Variants in CDS1 observed in about 807,000 individuals in gnomAD.
CDS1 encodes phosphatidate cytidylyltransferase 1.
A neutral mutation model predicts 62.1 loss-of-function variants in CDS1; 41 were observed. The observed-to-expected ratio is 0.66, with a 90% CI of 0.51 to 0.86. The LOEUF is 0.86. Ranked by LOEUF, CDS1 falls within the 40% of genes least tolerant of loss-of-function variation. The pLI is 0.00. For missense variants in CDS1, 470 were observed against 550.1 expected, an observed-to-expected ratio of 0.85 and a Z score of 1.46; for synonymous variants, 185 against 192.6, an observed-to-expected ratio of 0.96 and a Z score of 0.32.
intron 5 of CDS1, among the ~76,000 whole-genome samples, chr4:84,622,679 C>T (rs1723727243): frequency 6.6e-6 from 1 of 152,144 alleles, no homozygotes; most frequent in Non-Finnish European, 1.5e-5. Context: ...CATTAGTTTT[C>T]AAACTGAATT....
At chr4:84,633,758 A>G in intron 6 of CDS1, 99 bp from the exon 7 acceptor site, 1 of 584,776 alleles carries the variant, frequency 1.7e-6, no homozygotes, top group African/African-American at 1.9e-5. Flanking sequence ...ATTTTGACCA[A>G]AAGTCATGGT....
At chr4:84,619,697 T>C (rs1283534097) in intron 5 of CDS1, among the ~76,000 whole-genome samples, 164 bp downstream of exon 5, 1 of 152,186 alleles carries the variant, frequency 6.6e-6, no homozygotes, top group African/African-American at 2.4e-5. Context: ...TGTTCTTAAA[T>C]AGCAATTACT....
chr4:84,641,289 C>T (rs1352241055), intron 10 of CDS1, among the ~76,000 whole-genome samples: 1 of 152,198 alleles, frequency 6.6e-6, no homozygotes, highest in East Asian at 1.9e-4. Flanking sequence ...TGGTCTCAAA[C>T]TCCTGGTCTC....
At chr4:84,591,991 G>A (rs1316708487) in intron 1 of CDS1, among the ~76,000 whole-genome samples, 8 of 152,056 alleles carry the variant, frequency 5.3e-5, no homozygotes, top group East Asian at 1.9e-4. Context: ...GTGTTTCATC[G>A]CTTACTTATG....
chr4:84,646,854 A>G lies in CDS1; in HGVS notation c.1256+1529A>G, dbSNP rs540472430. ...GTTTGGTCCGCTTGTTCTATCAGTT[A>G]CTAAGAGAGCTTTGTTAAAGTCTCT... On this transcript the variant is annotated intron_variant, in intron 12 of 12. Coordinates refer to ENST00000295887, the MANE Select transcript of CDS1 (RefSeq NM_001263.4). 7.9e-5 allele frequency among the ~76,000 whole-genome samples: 12 copies of G among 152,292 alleles called. No homozygotes were observed. The South Asian group carries it at 1.2e-3, about 16-fold the overall frequency.
intron 9 of CDS1, among the ~76,000 whole-genome samples, chr4:84,640,142 A>G (rs1189746820): frequency 6.8e-6 from 1 of 147,866 alleles, no homozygotes; most frequent in East Asian, 1.9e-4. Flanking sequence ...TATATAATAT[A>G]TATAATAATA....
intron 3 of CDS1, among the ~76,000 whole-genome samples, chr4:84,612,881 T>C (rs1192364812): frequency 2.0e-5 from 3 of 150,134 alleles, no homozygotes; most frequent in Non-Finnish European, 4.4e-5. Flanking sequence ...CTGAGCTACT[T>C]GGGAGGCTGA....
intron 3 of CDS1, among the ~76,000 whole-genome samples, chr4:84,610,251 C>T (rs906355909): frequency 9.9e-5 from 15 of 152,156 alleles, no homozygotes; most frequent in African/African-American, 2.2e-4. Context: ...GAGACAGTGC[C>T]GAAGCCGAGT....
intron 12 of CDS1, among the ~76,000 whole-genome samples, chr4:84,646,474 TCTTC>T (rs1445462402): frequency 6.6e-6 from 1 of 152,208 alleles, no homozygotes; most frequent in African/African-American, 2.4e-5. Flanking sequence ...CACTTTATCC[TCTTC>T]CTGCAAGTTG....
intron 3 of CDS1, among the ~76,000 whole-genome samples, chr4:84,615,540 G>T (rs567042694): frequency 5.9e-5 from 9 of 151,982 alleles, no homozygotes; most frequent in African/African-American, 2.2e-4. Context: ...TCTACAGGTG[G>T]TGACTCTGCA....
At chr4:84,643,186 T>A in intron 11 of CDS1, 43 bp downstream of exon 11, 1 of 1,584,168 alleles carries the variant, frequency 6.3e-7, no homozygotes, top group Non-Finnish European at 8.6e-7. Context: ...AGAATATAAT[T>A]AGAGAATGTA....
intron 1 of CDS1, among the ~76,000 whole-genome samples, chr4:84,603,960 C>T (rs1437722131): frequency 1.3e-5 from 2 of 152,118 alleles, no homozygotes; most frequent in Non-Finnish European, 2.9e-5. Flanking sequence ...GGCAAAACAT[C>T]TGATTTTAGG....
At position 84,617,620 on chromosome 4, in the gene CDS1, C is replaced by T; in HGVS notation, c.399C>T (p.Val133=). The change falls in exon 4 of 13, where the codon GTC becomes GTT. Residue 133 remains valine (V), a synonymous_variant. Coordinates refer to ENST00000295887, the MANE Select transcript of CDS1 (RefSeq NM_001263.4). The stretch of plus-strand genomic sequence containing the variant: ...AAATTATCACTATAGGTTATAGAGT[C>T]TATCATTCTTATGATCTACCATGGT... ...FHEIITIGYR[V]YHSYDLPWFR... The T allele has an allele frequency of 1.3e-6, 2 of 1,592,678 alleles. No individual in the cohort carries two copies. Among genetic ancestry groups the T allele is most frequent in the Admixed American group, 1.7e-5 (1 of 59,272 alleles).
In CDS1 at chr4:84,648,361, A is replaced by G. The variant is rs535269209; in HGVS notation, c.1257-196A>G. Among the ~76,000 whole-genome samples, 9 of 152,218 alleles carry G rather than the reference A, an allele frequency of 5.9e-5. No individual in the cohort carries two copies. The South Asian group carries it at 1.9e-3, about 32-fold the overall frequency. On this transcript the variant is annotated intron_variant, in intron 12 of 12. Coordinates refer to ENST00000295887, the MANE Select transcript of CDS1 (RefSeq NM_001263.4). ...TTGCTCTTGTGTTTTGTGTTTGTGC[A>G]TTCTTTCTCCCTCTCTGCTGTAACC...
At chr4:84,597,066 A>C (rs1722773863) in intron 1 of CDS1, among the ~76,000 whole-genome samples, 1 of 152,066 alleles carries the variant, frequency 6.6e-6, no homozygotes, top group Non-Finnish European at 1.5e-5. Flanking sequence ...CAGGCATTTT[A>C]TGTTATGTTG....
intron 1 of CDS1, among the ~76,000 whole-genome samples, chr4:84,585,890 A>G (rs1722401918): frequency 6.6e-6 from 1 of 152,172 alleles, no homozygotes; most frequent in South Asian, 2.1e-4. Context: ...AGTTAGATTT[A>G]TTGGAAGTCT....
intron 5 of CDS1, among the ~76,000 whole-genome samples, chr4:84,619,786 A>G (rs142463990): frequency 0.012 from 1,796 of 152,178 alleles, 40 homozygotes; most frequent in African/African-American, 0.041. Context: ...TAATCCCAGC[A>G]CTTTGGAAGG....
chr4:84,589,935 G>C (rs149597681), intron 1 of CDS1, among the ~76,000 whole-genome samples: 2 of 151,938 alleles, frequency 1.3e-5, no homozygotes, highest in East Asian at 1.9e-4. Flanking sequence ...CTCAGCCTCC[G>C]ACGTAGCTGG....
At chr4:84,626,825 C>T (rs780776073) in intron 5 of CDS1, among the ~76,000 whole-genome samples, 4 of 152,134 alleles carry the variant, frequency 2.6e-5, no homozygotes, top group South Asian at 2.1e-4. Context: ...GTTGGATAAA[C>T]GATTAAGAGG....
Sources: allele counts gnomAD v4.1 joint callset (sites outside exome capture counted in the v4.1 genomes callset), GRCh38; gene constraint gnomAD v4.1.1; transcripts MANE v1.5; gene names NCBI Gene and HGNC (gene_info 2026-07-23, HGNC 2026-07-21).